The following ANKAR variants were observed in gnomAD, a reference collection of about 807,000 sequenced individuals.
The protein encoded by ANKAR is ankyrin and armadillo repeat containing.
A neutral mutation model predicts 146.2 loss-of-function variants in ANKAR; 136 were observed. That is an observed-to-expected ratio of 0.93 (90% CI 0.81 to 1.07). ANKAR has a LOEUF of 1.07. Among genes scored for constraint, ANKAR ranks in the 50% least tolerant of loss-of-function variants. The pLI is 0.00. For synonymous variants in ANKAR, 500 were observed against 575.8 expected, an observed-to-expected ratio of 0.87 and a Z score of 1.88; for missense variants, 1,567 against 1,679.9, an observed-to-expected ratio of 0.93 and a Z score of 1.18.
At chr2:189,677,596 AT>A (rs1360027769) in intron 2 of ANKAR, among the ~76,000 whole-genome samples, 1 of 151,724 alleles carries the variant, frequency 6.6e-6, no homozygotes, top group African/African-American at 2.4e-5. Flanking sequence ...AACCCCATCC[AT>A]GTTTCTGTGA....
rs2033237373 is a variant in ANKAR at position 189,674,811 on chromosome 2, A to T, written c.-55A>T. On this transcript the variant is annotated 5_prime_UTR_variant, in exon 1 of 23. Transcript: ENST00000684021. ...CGGACGCAGCGTCCCTCTCCCGGAC[A>T]AGAAAACAGCCATTCTAGAGTAGGT... The T allele has an allele frequency of 6.6e-6, 1 of 152,266 alleles. No individual in the cohort carries two copies. Among genetic ancestry groups the T allele is most frequent in the Non-Finnish European group, 1.5e-5 (1 of 68,070 alleles). The allele number at this position is 152,266 out of a possible 1,614,324, so 9.4% of individuals were successfully genotyped here.
At chr2:189,742,366 A>G (rs557289697) in intron 20 of ANKAR, among the ~76,000 whole-genome samples, 2 of 152,248 alleles carry the variant, frequency 1.3e-5, no homozygotes, top group East Asian at 3.9e-4. Context: ...TGCTACTATC[A>G]TATTCCCTAC....
chr2:189,719,516 T>C, intron 10 of ANKAR, 56 bp from the exon 11 acceptor site: 4 of 1,471,536 alleles, frequency 2.7e-6, no homozygotes, highest in Non-Finnish European at 3.7e-6. Flanking sequence ...ATAAATTGAC[T>C]ACAAATGGTT....
At chr2:189,740,183 C>T (rs559392922) in intron 19 of ANKAR, among the ~76,000 whole-genome samples, 5 of 152,238 alleles carry the variant, frequency 3.3e-5, no homozygotes, top group Admixed American at 6.5e-5. Context: ...ATTCTCTACT[C>T]GGAGTTCCTC....
chr2:189,690,833 A>G (rs4667301), intron 3 of ANKAR, among the ~76,000 whole-genome samples: 149,501 of 152,280 alleles, frequency 0.98, 73,460 homozygotes, highest in East Asian at 1. Context: ...GAGAACGTTA[A>G]CTATATCTGC....
chr2:189,754,649 G>A (rs2045806405), intron 18 of ANKAR: 2 of 317,356 alleles, frequency 6.3e-6, no homozygotes, highest in South Asian at 5.2e-5. Context: ...ATAAGAACTT[G>A]TCCTATACTT....
intron 7 of ANKAR, among the ~76,000 whole-genome samples, chr2:189,704,562 TATA>T (rs2038599613): frequency 1.2e-5 from 1 of 86,060 alleles, no homozygotes; most frequent in South Asian, 3.9e-4. Context: ...TATATATATA[TATA>T]TATATATATA....
intron 5 of ANKAR, 131 bp downstream of exon 5, chr2:189,693,308 G>T (rs757614450): frequency 3.8e-4 from 233 of 619,268 alleles, no homozygotes; most frequent in Middle Eastern, 5.9e-4. Flanking sequence ...TAACCACCAT[G>T]AATGACTTAT....
chr2:189,762,660 G>T (rs917492833), downstream of ANKAR: 2 of 985,346 alleles, frequency 2.0e-6, no homozygotes, highest in African/African-American at 1.7e-5. Flanking sequence ...CGTCAGTGGG[G>T]TGAAGAGTGA....
chr2:189,736,278 G>T (rs920629468), intron 17 of ANKAR, among the ~76,000 whole-genome samples: 2 of 152,098 alleles, frequency 1.3e-5, no homozygotes, highest in Non-Finnish European at 2.9e-5. Context: ...AAAAGAAATG[G>T]AAATCAGTCA....
At chr2:189,711,622 G>T (rs1489803368) in intron 10 of ANKAR, among the ~76,000 whole-genome samples, 3 of 152,032 alleles carry the variant, frequency 2.0e-5, no homozygotes, top group Non-Finnish European at 4.4e-5. Flanking sequence ...GCTCTACTGG[G>T]GTCCGTTCCA....
intron 8 of ANKAR, 78 bp downstream of exon 8, chr2:189,705,302 A>G (rs1445960961): frequency 8.4e-6 from 12 of 1,431,832 alleles, no homozygotes; most frequent in African/African-American, 1.5e-5. Context: ...AGAAAATTAA[A>G]TAGAATATAA....
At chr2:189,747,139 C>T (rs2044254546), downstream of ANKAR, 1 of 152,662 alleles carries the variant, frequency 6.6e-6, no homozygotes, top group Non-Finnish European at 1.5e-5. Context: ...AGTTCAGGAC[C>T]AGCCCGGGCA....
intron 17 of ANKAR, 21 bp from the exon 18 acceptor site, chr2:189,737,662 G>A: frequency 6.4e-7 from 1 of 1,574,542 alleles, no homozygotes; most frequent in Non-Finnish European, 8.6e-7. Context: ...TCACCATAAT[G>A]CCTGTTTCTC....
rs777566158 is a variant in ANKAR, at chr2:189,743,366, A to G, written c.3902A>G (p.Asn1301Ser). The G allele has an allele frequency of 6.2e-6, 10 of 1,613,700 alleles. No individual in the cohort carries two copies. In the African/African-American group the frequency reaches 1.3e-4, roughly 22 times the overall value. ...ILLKECRNKP[N>S]QFIRIKNNIS... ...TTAAAAGAATGCAGGAATAAACCTA[A>G]TCAGTTCATTCGTATAAAAAATAAT... is the stretch of plus-strand genomic sequence containing the variant. Residue 1301 changes from asparagine to serine, a missense_variant, in exon 21 of 23, where the codon AAT (asparagine) becomes AGT (serine). By Grantham distance (46) the Asn-to-Ser change is conservative (BLOSUM62 1). Transcript: ENST00000684021.
At position 189,697,096 on chromosome 2, in the gene ANKAR, G is replaced by A. The variant is rs1366801798; in HGVS notation, c.1708+727G>A. On this transcript the variant is annotated intron_variant, in intron 7 of 22. Transcript: ENST00000684021. ...CTCCATAACTGGAAAGGAAAATATAGATAAATTGTCAGGGGCAGGTGTAGT... is the reference window on the plus strand; with the variant it reads ...CTCCATAACTGGAAAGGAAAATATAAATAAATTGTCAGGGGCAGGTGTAGT... 3.9e-5 allele frequency among the ~76,000 whole-genome samples: 6 copies of A among 152,158 alleles called. No homozygotes were observed. In the East Asian group the frequency reaches 1.2e-3, roughly 29 times the overall value.
intron 21 of ANKAR, 44 bp downstream of exon 21, chr2:189,743,518 G>A (rs2043658604): frequency 6.5e-7 from 1 of 1,541,888 alleles, no homozygotes. Flanking sequence ...ATCATCGATA[G>A]AGGAGACTTT....
intron 19 of ANKAR, among the ~76,000 whole-genome samples, chr2:189,739,806 C>T (rs1213973451): frequency 6.6e-6 from 1 of 152,064 alleles, no homozygotes; most frequent in Non-Finnish European, 1.5e-5. Flanking sequence ...TCATGATCCG[C>T]CCGCCTCGGC....
At chr2:189,739,700 A>T (rs1574739170) in intron 19 of ANKAR, among the ~76,000 whole-genome samples, 1 of 151,966 alleles carries the variant, frequency 6.6e-6, no homozygotes, top group East Asian at 1.9e-4. Context: ...AGTAGCTGGG[A>T]CTACAAGCAT....
Sources: allele counts gnomAD v4.1 joint callset (sites outside exome capture counted in the v4.1 genomes callset), GRCh38; gene constraint gnomAD v4.1.1; transcripts MANE v1.5; gene names NCBI Gene and HGNC (gene_info 2026-07-23, HGNC 2026-07-21).